KLHL13: variants seen among roughly 807,000 people sequenced by gnomAD.
The protein encoded by KLHL13 is kelch like family member 13.
A neutral mutation model predicts 37.1 loss-of-function variants in KLHL13; 10 were observed. That is an observed-to-expected ratio of 0.27 (90% CI 0.17 to 0.46). The LOEUF (loss-of-function observed/expected upper bound fraction) is 0.46. KLHL13 is among the 20% of genes least tolerant of loss of function. The pLI, the probability that KLHL13 is intolerant of heterozygous loss-of-function variation, is 1.00. For synonymous variants in KLHL13, 163 were observed against 181.2 expected, an observed-to-expected ratio of 0.90 and a Z score of 0.81; for missense variants, 360 against 509.3, an observed-to-expected ratio of 0.71 and a Z score of 2.82.
chrX:117,908,310 A>C (rs913366748), intron 5 of KLHL13, among the ~76,000 whole-genome samples: 3 of 108,299 alleles, frequency 2.8e-5, no homozygotes, highest in Non-Finnish European at 5.7e-5. Context: ...TTGTTACATA[A>C]GTATACACGT....
At chrX:118,091,282 A>G (rs954428817) in intron 1 of KLHL13, among the ~76,000 whole-genome samples, 1 of 111,670 alleles carries the variant, frequency 9.0e-6, no homozygotes, top group Non-Finnish European at 1.9e-5. Context: ...GTATAATAAA[A>G]AAAGTATCAA....
At chrX:117,898,330 G>A (rs938405018) in exon 7 of KLHL13, 1 of 112,491 alleles carries the variant, frequency 8.9e-6, no homozygotes, top group Non-Finnish European at 1.9e-5. Flanking sequence ...CTTCTCCTGT[G>A]TGTCTAGGAA....
chrX:118,107,003 A>G (rs963290991), intron 1 of KLHL13, among the ~76,000 whole-genome samples: 3 of 112,080 alleles, frequency 2.7e-5, no homozygotes, highest in Admixed American at 9.5e-5. Flanking sequence ...TGGCTTAACT[A>G]TTACAAATGC....
chrX:117,933,432 A>G (rs1307269345), intron 2 of KLHL13, among the ~76,000 whole-genome samples: 1 of 111,610 alleles, frequency 9.0e-6, no homozygotes, highest in Admixed American at 9.5e-5. Context: ...CTATTCAATA[A>G]ATGGTGCCAG....
intron 2 of KLHL13, among the ~76,000 whole-genome samples, chrX:117,933,356 C>T (rs1432428258): frequency 9.0e-6 from 1 of 110,986 alleles, no homozygotes. Context: ...GAAATAAATC[C>T]ATGTATTTAC....
intron 1 of KLHL13, among the ~76,000 whole-genome samples, chrX:118,025,692 T>C (rs2054267147): frequency 8.9e-6 from 1 of 112,037 alleles, no homozygotes; most frequent in South Asian, 3.8e-4. Flanking sequence ...ACGTTTTAAC[T>C]ACATAAGAAA....
rs952900735 is a variant in KLHL13, at chrX:118,062,252, A to G, written c.-56+54256T>C. The stretch of plus-strand genomic sequence containing the variant: ...AATATGGCCCAAGTCCTTTGTGAGA[A>G]TATCGTACTTCCTCATTTTCTTCAT... On this transcript the variant is annotated intron_variant, in intron 1 of 6. Transcript: ENST00000371882. 1.2e-4 allele frequency among the ~76,000 whole-genome samples: 13 copies of G among 111,100 alleles called. No homozygotes were observed. The Admixed American group carries it at 1.3e-3, about 11-fold the overall frequency.
chrX:117,947,116 A>C (rs1933361385), intron 1 of KLHL13: 1 of 112,273 alleles, frequency 8.9e-6, no homozygotes, highest in Admixed American at 9.5e-5. Flanking sequence ...GAATTAAGTT[A>C]TATTTATGAT....
chrX:118,095,039 A>G (rs1417105120), intron 1 of KLHL13, among the ~76,000 whole-genome samples: 9 of 111,485 alleles, frequency 8.1e-5, no homozygotes, highest in Non-Finnish European at 1.5e-4. Flanking sequence ...CACACATAAC[A>G]ATATTAACCT....
At chrX:117,963,700 C>T (rs375570753) in intron 1 of KLHL13, among the ~76,000 whole-genome samples, 5 of 95,301 alleles carry the variant, frequency 5.2e-5, no homozygotes, top group East Asian at 3.4e-4. Context: ...TAAAAGTGTT[C>T]CTATTTCTCC....
intron 1 of KLHL13, among the ~76,000 whole-genome samples, chrX:118,022,464 T>A (rs1398700099): frequency 9.0e-6 from 1 of 111,395 alleles, no homozygotes; most frequent in Non-Finnish European, 1.9e-5. Context: ...CAACAGTGTG[T>A]AAGGGTTCTC....
At chrX:117,933,161 G>T (rs766177502) in intron 2 of KLHL13, among the ~76,000 whole-genome samples, 15 of 110,485 alleles carry the variant, frequency 1.4e-4, no homozygotes, top group Non-Finnish European at 2.7e-4. Context: ...CATTCTGTAG[G>T]TTGTCTCTTC....
intron 1 of KLHL13, among the ~76,000 whole-genome samples, chrX:118,100,460 T>C (rs1258867471): frequency 3.6e-5 from 4 of 112,031 alleles, no homozygotes; most frequent in Non-Finnish European, 5.6e-5. Flanking sequence ...GATATTGTTA[T>C]GTTAATTATC....
intron 1 of KLHL13, among the ~76,000 whole-genome samples, chrX:118,026,222 G>A (rs775701902): frequency 1.8e-5 from 2 of 110,837 alleles, no homozygotes; most frequent in East Asian, 2.8e-4. Flanking sequence ...AAAATACCTC[G>A]GAATTGAAAA....
chrX:118,016,494 A>C (rs1326336645), intron 1 of KLHL13, among the ~76,000 whole-genome samples: 5 of 111,913 alleles, frequency 4.5e-5, no homozygotes, highest in Non-Finnish European at 9.4e-5. Flanking sequence ...ACCATCCAGT[A>C]ATTGTTAATA....
intron 1 of KLHL13, chrX:117,985,255 T>G (rs2053710168): frequency 3.5e-6 from 4 of 1,144,088 alleles, no homozygotes; most frequent in Non-Finnish European, 4.6e-6. Flanking sequence ...AGCCCATTTT[T>G]CTCTTAAGGT....
At position 118,071,444 on chromosome X, in the gene KLHL13, C is replaced by T. The variant is rs1417379808; in HGVS notation, c.-56+45064G>A. On this transcript the variant is annotated intron_variant, in intron 1 of 6. Coordinates refer to the KLHL13 transcript ENST00000371882. ...TTGTTTCCTGACTTTTTAATGATTG[C>T]CATTCTAACTGGTGTGAGATGGTAT... Among the ~76,000 whole-genome samples, 162 of 111,671 alleles carry T rather than the reference C, an allele frequency of 1.5e-3. 2 individuals carry two copies. The highest frequency in any genetic ancestry group is 5.1e-3 in the African/African-American group (157 of 30,670).
At chrX:118,032,507 C>G (rs1487482705) in intron 1 of KLHL13, among the ~76,000 whole-genome samples, 2 of 111,826 alleles carry the variant, frequency 1.8e-5, no homozygotes, top group Non-Finnish European at 3.8e-5. Context: ...GCCAGGTACT[C>G]CAACAGACCT....
intron 4 of KLHL13, among the ~76,000 whole-genome samples, chrX:117,915,433 A>G (rs1931284082): frequency 9.0e-6 from 1 of 111,007 alleles, no homozygotes; most frequent in Non-Finnish European, 1.9e-5. Flanking sequence ...TCACCTCAAT[A>G]AACTTTCTCT....
Sources: allele counts gnomAD v4.1 joint callset (sites outside exome capture counted in the v4.1 genomes callset), GRCh38; gene constraint gnomAD v4.1.1; transcripts MANE v1.5; gene names NCBI Gene and HGNC (gene_info 2026-07-23, HGNC 2026-07-21).